The following SEPHS1 variants were observed in gnomAD, a reference collection of about 807,000 sequenced individuals.
SEPHS1 encodes zincore component SEPHS1.
A neutral mutation model predicts 39.2 loss-of-function variants in SEPHS1; 7 were observed. That is an observed-to-expected ratio of 0.18 (90% CI 0.10 to 0.34). The LOEUF is 0.34. Among genes scored for constraint, SEPHS1 ranks in the 10% least tolerant of loss-of-function variants. SEPHS1 has a pLI of 1.00. For missense variants in SEPHS1, 253 were observed against 514.5 expected (o/e 0.49, Z 4.92); for synonymous variants, 190 against 195.5 (o/e 0.97, Z 0.23).
Position 13,319,236 on chromosome 10 carries a change from C to T in SEPHS1, c.1085G>A (p.Arg362His), listed in dbSNP as rs1833030490. ...GGGTTTGTCTATGATTCTGGCTGTG[C>T]GGTTGCCCTTCTCTACAATCCCAAT... Reference protein sequence around the residue: ...WIIGIVEKGNRTARIIDKPRI... With the variant: ...WIIGIVEKGNHTARIIDKPRI... Residue 362 changes from arginine to histidine, a missense_variant, in exon 9 of 9, where the codon CGC (arginine) becomes CAC (histidine). Physicochemically the swap from Arg to His is conservative, Grantham distance 29. This residue lies in a region of SEPHS1 where 4 missense variants were observed against 34.4 expected (regional missense o/e 0.12). Coordinates refer to ENST00000327347, the MANE Select transcript of SEPHS1 (RefSeq NM_012247.5). 3.1e-6 allele frequency: 5 copies of T among 1,613,814 alleles called. No individual in the cohort carries two copies. Among genetic ancestry groups the T allele is most frequent in the South Asian group, 2.2e-5 (2 of 91,034 alleles).
At position 13,320,424 on chromosome 10, in the gene SEPHS1, A is replaced by G. The variant is rs949763552; in HGVS notation, c.965-1068T>C. On this transcript the variant is annotated intron_variant, in intron 8 of 8. Transcript: ENST00000327347. The stretch of plus-strand genomic sequence containing the variant: ...TCTCGATCTCCTGACCTCGTGATCC[A>G]CCCGCCTTGGCCTCCCAAAGTGCTG... 9.9e-5 allele frequency among the ~76,000 whole-genome samples: 15 copies of G among 151,608 alleles called. No homozygotes were observed. The South Asian group carries it at 1.0e-3, about 11-fold the overall frequency.
chr10:13,323,631 A>G (rs1004372005), intron 7 of SEPHS1, among the ~76,000 whole-genome samples: 2 of 151,854 alleles, frequency 1.3e-5, no homozygotes, highest in African/African-American at 2.4e-5. Context: ...GGGATTACAG[A>G]TGTGAGCCAC....
Position 13,328,326 on chromosome 10 carries a change from G to A in SEPHS1, c.751+25C>T, listed in dbSNP as rs375606222. ...TTTACTGTCTTGGACCCCTGGGACC[G>A]AAGCGCCCTTCCCACCTGTCATACC... On this transcript the variant is annotated intron_variant, in intron 7 of 8. Transcript: ENST00000327347. The A allele has an allele frequency of 1.3e-4, 194 of 1,498,902 alleles. No individual in the cohort carries two copies. In the African/African-American group the frequency reaches 2.3e-3, roughly 18 times the overall value. 92.9% of individuals were successfully genotyped at this position (1,498,902 alleles called of 1,614,324 possible). A position where few individuals can be genotyped will look rare whatever the true frequency, so the allele number is the denominator to read the frequency against.
chr10:13,345,899 A>G (rs1194383478), intron 1 of SEPHS1, among the ~76,000 whole-genome samples: 1 of 152,198 alleles, frequency 6.6e-6, no homozygotes, highest in African/African-American at 2.4e-5. Context: ...AAAATACACA[A>G]TGCAATCCAA....
chr10:13,322,128 G>A (rs1465829434), intron 8 of SEPHS1: 2 of 403,160 alleles, frequency 5.0e-6, no homozygotes, highest in Non-Finnish European at 9.5e-6. Context: ...TTTTTATTCT[G>A]TATCATTCTC....
rs2130677527 is a variant in SEPHS1 at position 13,336,369 on chromosome 10, A to G, written c.298-19T>C. 1.3e-6 allele frequency: 2 copies of G among 1,580,344 alleles called. No individual in the cohort carries two copies. Among genetic ancestry groups the G allele is most frequent in the South Asian group, 1.1e-5 (1 of 90,188 alleles). On this transcript the variant is annotated intron_variant, in intron 3 of 8. Transcript: ENST00000327347. ...TCCTGCCCTGGGAAGAGAGGGAAAC[A>G]TGAGAAAGGACGACCGGGGACTTTC...
At chr10:13,322,155 T>C (rs1398863519) in intron 8 of SEPHS1, 1 of 403,260 alleles carries the variant, frequency 2.5e-6, no homozygotes, top group East Asian at 7.4e-5. Flanking sequence ...TTTTTTTTTT[T>C]TTTTAAGGCA....
At position 13,318,001 on chromosome 10, in the gene SEPHS1, G is replaced by A. The variant is rs1336528388; in HGVS notation, c.*1141C>T. On this transcript the variant is annotated 3_prime_UTR_variant, in exon 9 of 9. Coordinates refer to ENST00000327347, the MANE Select transcript of SEPHS1 (RefSeq NM_012247.5). ...ATAAAACTAAAATCTAGTTTTTCCC[G>A]ATAAATTGTACTTTAGGCAAAACCC... 6.6e-6 allele frequency: 1 copy of A among 152,068 alleles called. No homozygotes were observed. Among genetic ancestry groups the A allele is most frequent in the Non-Finnish European group, 1.5e-5 (1 of 68,016 alleles). 9.4% of individuals were successfully genotyped at this position (152,068 alleles called of 1,614,324 possible).
chr10:13,322,762 G>C (rs1833153212), intron 8 of SEPHS1, 73 bp downstream of exon 8: 104 of 1,419,526 alleles, frequency 7.3e-5, no homozygotes, highest in Non-Finnish European at 1.0e-4. Context: ...ACTCGGGGTG[G>C]GGCTGCTGCT....
At chr10:13,331,187 G>C (rs997626671) in intron 5 of SEPHS1, among the ~76,000 whole-genome samples, 3 of 152,146 alleles carry the variant, frequency 2.0e-5, no homozygotes, top group African/African-American at 7.2e-5. Flanking sequence ...CGGCTGCGTA[G>C]TATTCCACGG....
intron 8 of SEPHS1, among the ~76,000 whole-genome samples, chr10:13,321,866 T>C (rs1342087651): frequency 1.3e-5 from 2 of 152,242 alleles, no homozygotes; most frequent in Non-Finnish European, 1.5e-5. Flanking sequence ...TCCGGACAGA[T>C]GTGGCCACCA....
chr10:13,344,349 A>G (rs1427661934), intron 2 of SEPHS1, among the ~76,000 whole-genome samples: 1 of 152,234 alleles, frequency 6.6e-6, no homozygotes, highest in African/African-American at 2.4e-5. Flanking sequence ...TAAATTGAAA[A>G]TAAAAATTAA....
At chr10:13,332,403 T>C (rs1480097436) in intron 5 of SEPHS1, among the ~76,000 whole-genome samples, 7 of 152,232 alleles carry the variant, frequency 4.6e-5, no homozygotes, top group Admixed American at 1.3e-4. Flanking sequence ...GGGCTTCTTT[T>C]TGGGGTGATG....
chr10:13,323,778 A>G (rs10737068), intron 7 of SEPHS1, among the ~76,000 whole-genome samples: 67,080 of 149,578 alleles, frequency 0.45, 16,740 homozygotes, highest in East Asian at 0.78. Context: ...GTCTTGCTCT[A>G]TTGACCAGGC....
At chr10:13,324,277 C>G (rs965965185) in intron 7 of SEPHS1, among the ~76,000 whole-genome samples, 1 of 152,132 alleles carries the variant, frequency 6.6e-6, no homozygotes, top group Non-Finnish European at 1.5e-5. Context: ...TTTTACTGCT[C>G]AATTATATTC....
At chr10:13,341,281 C>G (rs1487994077) in intron 2 of SEPHS1, among the ~76,000 whole-genome samples, 1 of 152,112 alleles carries the variant, frequency 6.6e-6, no homozygotes, top group Non-Finnish European at 1.5e-5. Context: ...TAACTGGGAA[C>G]AGAGGAAAAT....
At chr10:13,334,778 G>T (rs186829551) in intron 4 of SEPHS1, among the ~76,000 whole-genome samples, 3 of 152,234 alleles carry the variant, frequency 2.0e-5, no homozygotes, top group Non-Finnish European at 4.4e-5. Flanking sequence ...AATGCTGGAA[G>T]ATGTTCTAGA....
chr10:13,338,642 G>A, intron 3 of SEPHS1, 63 bp downstream of exon 3: 2 of 1,334,530 alleles, frequency 1.5e-6, no homozygotes, highest in East Asian at 2.3e-5. Context: ...CAAAACCCCA[G>A]CCACAACCCA....
chr10:13,329,929 A>G (rs1229626309), intron 5 of SEPHS1, 141 bp from the exon 6 acceptor site: 3 of 698,918 alleles, frequency 4.3e-6, no homozygotes, highest in Non-Finnish European at 7.3e-6. Flanking sequence ...ACCAGCATGT[A>G]TGGGACAGAG....
Sources: gnomAD v4.1 joint callset for allele counts (sites outside exome capture counted in the v4.1 genomes callset) on GRCh38, gnomAD v4.1.1 for gene constraint, gnomAD v4.1.1 regional missense constraint, MANE v1.5 for transcripts, NCBI Gene and HGNC (gene_info 2026-07-23, HGNC 2026-07-21) for gene names.